The following FHIP2A variants were observed in gnomAD, a reference collection of about 807,000 sequenced individuals.
FHIP2A encodes the protein FHF complex subunit HOOK interacting protein 2A.
In FHIP2A, 46 loss-of-function variants were observed where a neutral mutation model predicts 93.5. That is an observed-to-expected ratio of 0.49 (90% CI 0.39 to 0.63). The LOEUF (loss-of-function observed/expected upper bound fraction) is 0.63, where lower values mean the gene tolerates loss of function less well. Among genes scored for constraint, FHIP2A ranks in the 20% least tolerant of loss-of-function variants. FHIP2A has a pLI of 0.00. For synonymous variants in FHIP2A, 332 were observed against 326.5 expected, an observed-to-expected ratio of 1.02 and a Z score of -0.18; for missense variants, 769 against 909.7, an observed-to-expected ratio of 0.85 and a Z score of 1.99.
intron 14 of FHIP2A, among the ~76,000 whole-genome samples, chr10:114,858,085 A>G (rs975949136): frequency 1.3e-5 from 2 of 152,240 alleles, no homozygotes; most frequent in African/African-American, 4.8e-5. Flanking sequence ...GTCCAAAAAC[A>G]TGGGCCAAGT....
At chr10:114,861,371 T>A (rs2083798040) in intron 16 of FHIP2A, 37 bp downstream of exon 16, 17 of 1,613,728 alleles carry the variant, frequency 1.1e-5, no homozygotes, top group Non-Finnish European at 1.4e-5. Context: ...ATCCAAAAAT[T>A]TCAGTGAACT....
In FHIP2A at chr10:114,863,163, A is replaced by G; in HGVS notation, c.*1623A>G. On this transcript the variant is annotated 3_prime_UTR_variant, in exon 17 of 17. Coordinates refer to ENST00000369248, the MANE Select transcript of FHIP2A (RefSeq NM_020940.4). Reference sequence around the variant, plus strand: ...TTCTAAGAAATTTATTAAGTAAAACAAAGAAAAAACAGAAGTGGGAGATAG... The same window carrying G: ...TTCTAAGAAATTTATTAAGTAAAACGAAGAAAAAACAGAAGTGGGAGATAG... The G allele has an allele frequency of 1.0e-6, 1 of 978,660 alleles. No homozygotes were observed. The highest frequency in any genetic ancestry group is 1.2e-6 in the Non-Finnish European group (1 of 823,732). The allele number at this position is 978,660 out of a possible 1,614,324, so 60.6% of individuals were successfully genotyped here. A position where few individuals can be genotyped will look rare whatever the true frequency, so the allele number is the denominator to read the frequency against.
intron 16 of FHIP2A, among the ~76,000 whole-genome samples, chr10:114,874,121 T>C (rs1436633291): frequency 6.6e-6 from 1 of 152,170 alleles, no homozygotes; most frequent in African/African-American, 2.4e-5. Flanking sequence ...AACAAAACCA[T>C]CCAGAATGAG....
chr10:114,875,833 AAG>A (rs887919298), intron 16 of FHIP2A, among the ~76,000 whole-genome samples: 7 of 132,062 alleles, frequency 5.3e-5, no homozygotes, highest in South Asian at 2.6e-4. Context: ...GTAGGAAGGT[AAG>A]AGAGAAAGAA....
At chr10:114,853,103 C>G (rs576302426) in intron 13 of FHIP2A, among the ~76,000 whole-genome samples, 180 of 152,176 alleles carry the variant, frequency 1.2e-3, no homozygotes, top group African/African-American at 4.0e-3. Context: ...TCTTTCTTGC[C>G]TTGGGGTTAT....
chr10:114,822,261 G>T, intron 1 of FHIP2A, 138 bp downstream of exon 1: 1 of 308,058 alleles, frequency 3.2e-6, no homozygotes. Flanking sequence ...GGCCCCAGGC[G>T]GGCGCCCTGG....
In FHIP2A at chr10:114,864,577, G is replaced by T. The variant is rs959003128; in HGVS notation, c.*3037G>T. 8 of 985,690 alleles carry T rather than the reference G, an allele frequency of 8.1e-6. No individual in the cohort carries two copies. Among genetic ancestry groups the T allele is most frequent in the East Asian group, 1.1e-4 (1 of 8,826 alleles). The allele number at this position is 985,690 out of a possible 1,614,324, so 61.1% of individuals were successfully genotyped here. ...AGCGTCTGGAATTCTTGGTCCCTCCGTGGAGAAACTCTTCAGATGGTCATT... is the reference window on the plus strand; with the variant it reads ...AGCGTCTGGAATTCTTGGTCCCTCCTTGGAGAAACTCTTCAGATGGTCATT... On this transcript the variant is annotated 3_prime_UTR_variant, in exon 17 of 17. Transcript: ENST00000369248.
chr10:114,861,308 A>G lies in FHIP2A; in HGVS notation c.2166A>G (p.Leu722=), dbSNP rs1205768207. Residue 722 remains leucine (L), a synonymous_variant, in exon 16 of 17, where the codon TTA becomes TTG. Coordinates refer to ENST00000369248, the MANE Select transcript of FHIP2A (RefSeq NM_020940.4). Reference sequence around the variant, plus strand: ...AGCTTCTGTTAGTCAGAAAGCGGTTACTTGGTTTGGAACCTGAAGGCCCTA... The same window carrying G: ...AGCTTCTGTTAGTCAGAAAGCGGTTGCTTGGTTTGGAACCTGAAGGCCCTA... ...TPKLLLVRKR[L]LGLEPEGPII... is the part of the protein sequence containing the mutation. 1.2e-6 allele frequency: 2 copies of G among 1,614,086 alleles called. No homozygotes were observed. Among genetic ancestry groups the G allele is most frequent in the African/African-American group, 2.7e-5 (2 of 74,944 alleles).
chr10:114,874,647 C>T (rs1016815183), intron 16 of FHIP2A, among the ~76,000 whole-genome samples: 3 of 152,072 alleles, frequency 2.0e-5, no homozygotes, highest in Non-Finnish European at 4.4e-5. Flanking sequence ...GGATTACAGG[C>T]GCGTGCCACC....
chr10:114,841,470 T>G (rs2083668599), intron 5 of FHIP2A, among the ~76,000 whole-genome samples: 2 of 151,962 alleles, frequency 1.3e-5, no homozygotes, highest in African/African-American at 4.8e-5. Context: ...TTTTTGTATT[T>G]TTAGTAGAGA....
At chr10:114,860,950 A>G (rs1345584315) in intron 15 of FHIP2A, 61 bp downstream of exon 15, 5 of 1,449,350 alleles carry the variant, frequency 3.4e-6, no homozygotes, top group African/African-American at 2.8e-5. Flanking sequence ...TAATATGTTA[A>G]TATCATTGTA....
chr10:114,845,650 A>G (rs2083696531), intron 8 of FHIP2A, among the ~76,000 whole-genome samples, 169 bp downstream of exon 8: 1 of 152,222 alleles, frequency 6.6e-6, no homozygotes, highest in Non-Finnish European at 1.5e-5. Context: ...GTGTATTACA[A>G]TTCCAGAATA....
At position 114,847,143 on chromosome 10, in the gene FHIP2A, C is replaced by G. The variant is rs1261902825; in HGVS notation, c.1622C>G (p.Pro541Arg). The stretch of plus-strand genomic sequence containing the variant: ...GACATTTCACCAGAAAACACTTTGC[C>G]AAACCAAGAGTGGCTTAGTTCTTCA... ...FTDISPENTLPNQEWLSSSPP... is the reference protein window; with the variant it reads ...FTDISPENTLRNQEWLSSSPP... The change falls in exon 12 of 17, where the codon CCA becomes CGA. Residue 541 changes from proline (P) to arginine (R), a missense_variant. Coordinates refer to ENST00000369248, the MANE Select transcript of FHIP2A (RefSeq NM_020940.4). 6 of 1,613,080 alleles carry G rather than the reference C, an allele frequency of 3.7e-6. No homozygotes were observed. The African/African-American group carries it at 8.0e-5, about 22-fold the overall frequency.
intron 16 of FHIP2A, among the ~76,000 whole-genome samples, chr10:114,875,652 G>A (rs1350222532): frequency 1.3e-5 from 2 of 151,628 alleles, no homozygotes; most frequent in African/African-American, 2.4e-5. Context: ...CCAAGATTGC[G>A]CCATTGCACT....
At chr10:114,848,599 T>C in intron 12 of FHIP2A, 48 bp from the exon 13 acceptor site, 2 of 1,105,950 alleles carry the variant, frequency 1.8e-6, no homozygotes, top group South Asian at 2.7e-5. Context: ...TCCTTTTTTT[T>C]TTCATGCAAA....
intron 3 of FHIP2A, among the ~76,000 whole-genome samples, chr10:114,834,892 A>G (rs956776155): frequency 2.0e-5 from 3 of 152,240 alleles, no homozygotes; most frequent in Admixed American, 6.5e-5. Context: ...TAGTATTTCC[A>G]GGATGCAAAA....
At chr10:114,872,976 T>TG (rs1245331625) in intron 16 of FHIP2A, among the ~76,000 whole-genome samples, 20 of 152,116 alleles carry the variant, frequency 1.3e-4, no homozygotes, top group Admixed American at 3.3e-4. Context: ...AATTGGGTGT[T>TG]GGGGGGTGGA....
chr10:114,847,916 C>A (rs1223783579), intron 12 of FHIP2A, among the ~76,000 whole-genome samples: 1 of 152,022 alleles, frequency 6.6e-6, no homozygotes. Flanking sequence ...ACTTGACCTC[C>A]CAGAGTGCTG....
Position 114,861,567 on chromosome 10 carries a change from A to G in FHIP2A, c.*27A>G. ...TAACATCTTTCATGTAACTGGGGGA[A>G]CAGAACTACTGTGTACATTTCACCA... On this transcript the variant is annotated 3_prime_UTR_variant, in exon 17 of 17. Transcript: ENST00000369248. 6.2e-7 allele frequency: 1 copy of G among 1,610,088 alleles called. No homozygotes were observed. The highest frequency in any genetic ancestry group is 8.5e-7 in the Non-Finnish European group (1 of 1,179,118).
Sources: allele counts gnomAD v4.1 joint callset (sites outside exome capture counted in the v4.1 genomes callset), GRCh38; gene constraint gnomAD v4.1.1; transcripts MANE v1.5; gene names NCBI Gene and HGNC (gene_info 2026-07-23, HGNC 2026-07-21).